SETX: variants seen among roughly 807,000 people sequenced by gnomAD.
SETX encodes helicase senataxin.
A neutral mutation model predicts 227.2 loss-of-function variants in SETX; 90 were observed. The ratio of observed to expected loss-of-function variants is 0.40; its 90% CI spans 0.33 to 0.47. SETX has a LOEUF of 0.47. SETX is among the 20% of genes least tolerant of loss of function. The probability of loss-of-function intolerance (pLI) is 0.91; values close to 1 mark genes in which losing one functional copy is unlikely to be tolerated. For synonymous variants in SETX, 1,210 were observed against 1,113.2 expected (o/e 1.09, Z -1.73); for missense variants, 3,052 against 3,181.5 (o/e 0.96, Z 0.98).
chr9:132,288,171 G>A (rs1844036082), intron 17 of SETX, 65 bp downstream of exon 17: 1 of 1,287,920 alleles, frequency 7.8e-7, no homozygotes, highest in African/African-American at 1.5e-5. Flanking sequence ...GCAAGACTCT[G>A]TCTCAAAAAA....
intron 17 of SETX, 122 bp from the exon 18 acceptor site, chr9:132,286,616 C>A: frequency 2.7e-6 from 2 of 727,772 alleles, no homozygotes; most frequent in Non-Finnish European, 4.8e-6. Flanking sequence ...ATTTACCCAG[C>A]TTATTTCCTC....
chr9:132,288,293 A>G lies in SETX; in HGVS notation c.6267T>C (p.Tyr2089=), dbSNP rs762490628. 6.2e-7 allele frequency: 1 copy of G among 1,614,248 alleles called. No homozygotes were observed. The highest frequency in any genetic ancestry group is 8.5e-7 in the Non-Finnish European group (1 of 1,180,046). The change falls in exon 17 of 26, where the codon TAT becomes TAC. Residue 2089 remains tyrosine, a synonymous_variant. Transcript: ENST00000224140. ...GCTGCCGGGAAAGCTCATCCAGCTGATAATCTAGAAATTCCTTTCTTTTAT... is the reference window on the plus strand; with the variant it reads ...GCTGCCGGGAAAGCTCATCCAGCTGGTAATCTAGAAATTCCTTTCTTTTAT... The part of the protein sequence containing the change: ...AMHKRKEFLD[Y]QLDELSRQRA...
At chr9:132,311,892 A>G in intron 10 of SETX, 36 bp from the exon 11 acceptor site, 1 of 1,468,580 alleles carries the variant, frequency 6.8e-7, no homozygotes, top group Non-Finnish European at 9.5e-7. Context: ...AGAAAGCAAC[A>G]TTCTGGAAAG....
rs915431527 is a variant in SETX, at chr9:132,283,818, T to A, written c.6397-405A>T. On this transcript the variant is annotated intron_variant, in intron 18 of 25. Transcript: ENST00000224140. ...GCCTGAATGTACATTTTTCTGTTAG[T>A]TTTTAAGTATATAATATTGCCCTGT... Among the ~76,000 whole-genome samples, 8 of 152,180 alleles carry A rather than the reference T, an allele frequency of 5.3e-5. No individual in the cohort carries two copies. In the East Asian group the frequency reaches 9.6e-4, roughly 18 times the overall value.
At chr9:132,336,955 A>G (rs1315198599) in intron 5 of SETX, among the ~76,000 whole-genome samples, 1 of 152,098 alleles carries the variant, frequency 6.6e-6, no homozygotes, top group Non-Finnish European at 1.5e-5. Flanking sequence ...AGTCCCAGCT[A>G]CTTGGGAGGC....
intron 5 of SETX, among the ~76,000 whole-genome samples, chr9:132,337,435 T>TAAAA (rs139342276): frequency 7.4e-6 from 1 of 135,558 alleles, no homozygotes. Context: ...ACAACCAACC[T>TAAAA]TAAAAAAAAA....
At chr9:132,346,105 C>T (rs1848269864) in intron 4 of SETX, among the ~76,000 whole-genome samples, 156 bp downstream of exon 4, 1 of 151,948 alleles carries the variant, frequency 6.6e-6, no homozygotes, top group Admixed American at 6.6e-5. Context: ...TGTGTTTGAA[C>T]TCAAAAAATA....
chr9:132,266,001 A>T (rs762105763), intron 25 of SETX: 1 of 152,096 alleles, frequency 6.6e-6, no homozygotes, highest in Non-Finnish European at 1.5e-5. Context: ...TCCCATCGGG[A>T]AAGTTGCCAA....
At chr9:132,318,173 C>G (rs1457784843) in intron 10 of SETX, among the ~76,000 whole-genome samples, 1 of 152,172 alleles carries the variant, frequency 6.6e-6, no homozygotes, top group African/African-American at 2.4e-5. Context: ...CCTGAGTTCT[C>G]TAATGATTGT....
intron 11 of SETX, among the ~76,000 whole-genome samples, chr9:132,308,639 T>C (rs1168067116): frequency 6.6e-6 from 1 of 152,176 alleles, no homozygotes; most frequent in Non-Finnish European, 1.5e-5. Flanking sequence ...GTCACTAACA[T>C]AGTCACTAAC....
rs1232909745 is a variant in SETX at position 132,264,387 on chromosome 9, A to C, written c.7886T>G (p.Leu2629Arg). Residue 2629 changes from leucine (L) to arginine (R), a missense_variant, in exon 26 of 26, where the codon CTC (leucine) becomes CGC (arginine). Physicochemically the swap from Leu to Arg is moderately radical, Grantham distance 102 (BLOSUM62 -2). Transcript: ENST00000224140. Reference sequence around the variant, plus strand: ...AGCCCTGGCCTCTCTCCTGTGACAGAGCTCCTCTTCCGGGTCATCACATTT... The same window carrying C: ...AGCCCTGGCCTCTCTCCTGTGACAGCGCTCCTCTTCCGGGTCATCACATTT... ...QSKCDDPEEELCHRREARAFS... is the reference protein window; with the variant it reads ...QSKCDDPEEERCHRREARAFS... 6.2e-7 allele frequency: 1 copy of C among 1,613,926 alleles called. No individual in the cohort carries two copies. Among genetic ancestry groups the C allele is most frequent in the Non-Finnish European group, 8.5e-7 (1 of 1,180,024 alleles).
chr9:132,269,800 C>A, intron 24 of SETX, 98 bp from the exon 25 acceptor site: 1 of 1,194,142 alleles, frequency 8.4e-7, no homozygotes. Flanking sequence ...GTGCCCGTGT[C>A]TGACAGAGGT....
chr9:132,321,160 T>A (rs1157914905), intron 10 of SETX, among the ~76,000 whole-genome samples: 1 of 152,164 alleles, frequency 6.6e-6, no homozygotes, highest in Non-Finnish European at 1.5e-5. Flanking sequence ...ACGCCTACAT[T>A]TCCCAGGTAA....
In SETX at chr9:132,300,782, A is replaced by G; in HGVS notation, c.5396T>C (p.Leu1799Pro). Reference protein sequence around the residue: ...EFAVYLEECELAKQLYPKEND... With the variant: ...EFAVYLEECEPAKQLYPKEND... The stretch of plus-strand genomic sequence containing the variant: ...TTCCTTTGGATAAAGCTGTTTAGCC[A>G]GTTCACATTCTTCCAGATAAACTAT... Residue 1799 changes from leucine (L) to proline (P), a missense_variant, in exon 12 of 26, where the codon CTG becomes CCG. Physicochemically the swap from Leu to Pro is moderately conservative, Grantham distance 98. This residue lies in a region of SETX where 239 missense variants were observed against 272.1 expected (regional missense o/e 0.88). Coordinates refer to ENST00000224140, the MANE Select transcript of SETX (RefSeq NM_015046.7). The G allele has an allele frequency of 6.2e-7, 1 of 1,613,332 alleles. No individual in the cohort carries two copies. The highest frequency in any genetic ancestry group is 1.7e-5 in the Admixed American group (1 of 60,002).
intron 5 of SETX, among the ~76,000 whole-genome samples, chr9:132,338,211 C>G (rs1284807146): frequency 1.3e-5 from 2 of 151,462 alleles, no homozygotes; most frequent in Non-Finnish European, 2.9e-5. Flanking sequence ...CCTACCTGAG[C>G]CTCCTAAGTA....
intron 20 of SETX, among the ~76,000 whole-genome samples, chr9:132,278,974 T>G (rs1167098931): frequency 2.0e-5 from 3 of 152,194 alleles, no homozygotes; most frequent in Non-Finnish European, 2.9e-5. Context: ...AGACTCGACT[T>G]ATGTGTTGAC....
rs1331533270 is a variant in SETX, at chr9:132,263,351, C to T, written c.*888G>A. ...TGACAATCTGTAAGCTGAGGCGATT[C>T]TTCCACAGCTGACCCAGCGCTAATC... On this transcript the variant is annotated 3_prime_UTR_variant, in exon 26 of 26. Coordinates refer to ENST00000224140, the MANE Select transcript of SETX (RefSeq NM_015046.7). The T allele has an allele frequency of 6.6e-6, 1 of 152,230 alleles. No homozygotes were observed. Among genetic ancestry groups the T allele is most frequent in the African/African-American group, 2.4e-5 (1 of 41,454 alleles). The allele number at this position is 152,230 out of a possible 1,614,324, so 9.4% of individuals were successfully genotyped here.
At chr9:132,265,080 A>G (rs530405923) in intron 25 of SETX, 95 bp from the exon 26 acceptor site, 38 of 1,333,154 alleles carry the variant, frequency 2.9e-5, no homozygotes, top group Middle Eastern at 1.8e-4. Context: ...CAAATAATAC[A>G]TATTATTGTA....
chr9:132,277,295 A>G (rs1367143150), intron 21 of SETX, 143 bp from the exon 22 acceptor site: 1 of 723,616 alleles, frequency 1.4e-6, no homozygotes, highest in Non-Finnish European at 2.4e-6. Flanking sequence ...CTAGACGTGT[A>G]TTAGTGAAAG....
Sources: allele counts gnomAD v4.1 joint callset (sites outside exome capture counted in the v4.1 genomes callset), GRCh38; gene constraint gnomAD v4.1.1; regional missense constraint gnomAD v4.1.1; transcripts MANE v1.5; gene names NCBI Gene and HGNC (gene_info 2026-07-23, HGNC 2026-07-21).